ITGBL1: variants seen among roughly 807,000 people sequenced by gnomAD.
ITGBL1 encodes integrin beta-like protein 1.
A neutral mutation model predicts 68.5 loss-of-function variants in ITGBL1; 51 were observed. The ratio of observed to expected loss-of-function variants is 0.74; its 90% CI spans 0.59 to 0.94. ITGBL1 has a LOEUF of 0.94. Ranked by LOEUF, ITGBL1 falls within the 40% of genes least tolerant of loss-of-function variation. ITGBL1 has a pLI of 0.00. For synonymous variants in ITGBL1, 209 were observed against 227.3 expected (o/e 0.92, Z 0.72); for missense variants, 649 against 647.4 (o/e 1.00, Z -0.03).
At chr13:101,634,096 A>AT (rs1190793208) in intron 7 of ITGBL1, among the ~76,000 whole-genome samples, 1 of 152,210 alleles carries the variant, frequency 6.6e-6, no homozygotes, top group Admixed American at 6.5e-5. Context: ...AATTAATGCA[A>AT]TTATAGACAA....
chr13:101,462,188 C>T (rs556594792), intron 2 of ITGBL1, among the ~76,000 whole-genome samples: 1 of 152,300 alleles, frequency 6.6e-6, no homozygotes, highest in African/African-American at 2.4e-5. Flanking sequence ...CCCAGAGCCT[C>T]TTCCATCATC....
intron 7 of ITGBL1, among the ~76,000 whole-genome samples, chr13:101,623,033 T>A (rs1159381782): frequency 6.6e-6 from 1 of 152,066 alleles, no homozygotes; most frequent in East Asian, 1.9e-4. Context: ...TAATTGAGAT[T>A]AGATTATATT....
intron 7 of ITGBL1, among the ~76,000 whole-genome samples, chr13:101,619,244 C>G (rs769769241): frequency 2.0e-5 from 3 of 151,828 alleles, no homozygotes; most frequent in Non-Finnish European, 4.4e-5. Flanking sequence ...CCCTGTAATC[C>G]CTTGAATCTG....
downstream of ITGBL1, chr13:101,719,826 G>C (rs1042082069): frequency 1.3e-5 from 2 of 151,976 alleles, no homozygotes; most frequent in African/African-American, 4.8e-5. Flanking sequence ...AGTAGTGACA[G>C]ATTGCACTTC....
chr13:101,463,767 A>G (rs1250941335), intron 2 of ITGBL1, among the ~76,000 whole-genome samples: 2 of 151,728 alleles, frequency 1.3e-5, no homozygotes, highest in Non-Finnish European at 2.9e-5. Context: ...AACACAATAA[A>G]AAAACAAAAT....
At chr13:101,678,498 G>A (rs115182532) in intron 7 of ITGBL1, among the ~76,000 whole-genome samples, 1,424 of 135,332 alleles carry the variant, frequency 0.011, 15 homozygotes, top group African/African-American at 0.036. Flanking sequence ...CAGATTCACT[G>A]AGACTTTTTT....
intron 7 of ITGBL1, among the ~76,000 whole-genome samples, chr13:101,627,821 T>C (rs899015815): frequency 6.6e-6 from 1 of 152,238 alleles, no homozygotes; most frequent in Non-Finnish European, 1.5e-5. Flanking sequence ...CTTGTCTGAA[T>C]GTACCACTGT....
At chr13:101,467,972 T>C (rs2048406513) in intron 2 of ITGBL1, among the ~76,000 whole-genome samples, 1 of 152,122 alleles carries the variant, frequency 6.6e-6, no homozygotes, top group South Asian at 2.1e-4. Flanking sequence ...ACTTAGTCAA[T>C]GGGGTAGAGT....
intron 4 of ITGBL1, 87 bp from the exon 5 acceptor site, chr13:101,579,200 C>A: frequency 1.4e-6 from 2 of 1,444,896 alleles, no homozygotes; most frequent in Non-Finnish European, 1.9e-6. Flanking sequence ...TTTCAGAAGG[C>A]AAAAATGATC....
intron 2 of ITGBL1, among the ~76,000 whole-genome samples, chr13:101,515,199 T>G (rs1248418893): frequency 6.6e-6 from 1 of 152,090 alleles, no homozygotes; most frequent in East Asian, 1.9e-4. Context: ...TTTTAAATAT[T>G]AATGTTAGTA....
intron 2 of ITGBL1, among the ~76,000 whole-genome samples, chr13:101,481,452 G>A (rs886999542): frequency 6.6e-6 from 1 of 152,000 alleles, no homozygotes; most frequent in African/African-American, 2.4e-5. Context: ...AGAACTGACA[G>A]GAATTGGAGA....
intron 7 of ITGBL1, among the ~76,000 whole-genome samples, chr13:101,646,781 A>G (rs1324239361): frequency 6.6e-6 from 1 of 152,166 alleles, no homozygotes; most frequent in East Asian, 1.9e-4. Flanking sequence ...AAAACAAAAC[A>G]AAAAGGAAAA....
chr13:101,467,869 G>T lies in ITGBL1; in HGVS notation c.316+13769G>T, dbSNP rs190783390. On this transcript the variant is annotated intron_variant, in intron 2 of 10. Transcript: ENST00000376180. ...TTTATCTGGAAACTTCCTAGGGAAA[G>T]GTAGGCTAAATTTTTTTTTTTAAAA... Among the ~76,000 whole-genome samples, 369 of 152,154 alleles carry T rather than the reference G, an allele frequency of 2.4e-3. 1 individual carries two copies. Among genetic ancestry groups the T allele is most frequent in the African/African-American group, 8.5e-3 (352 of 41,548 alleles).
chr13:101,563,651 G>T (rs979544877), intron 2 of ITGBL1, among the ~76,000 whole-genome samples: 3 of 151,858 alleles, frequency 2.0e-5, no homozygotes, highest in Non-Finnish European at 2.9e-5. Context: ...GTGAATCATA[G>T]TTAAACATTT....
At chr13:101,597,193 C>T (rs1003655324) in intron 6 of ITGBL1, among the ~76,000 whole-genome samples, 1 of 152,086 alleles carries the variant, frequency 6.6e-6, no homozygotes, top group Admixed American at 6.6e-5. Context: ...AATATCTCCG[C>T]ATCTCTCTCA....
At chr13:101,558,752 A>T (rs2050052565) in intron 2 of ITGBL1, among the ~76,000 whole-genome samples, 1 of 152,210 alleles carries the variant, frequency 6.6e-6, no homozygotes, top group African/African-American at 2.4e-5. Context: ...GATCTCATAT[A>T]CATTTTTAAT....
intron 2 of ITGBL1, among the ~76,000 whole-genome samples, chr13:101,505,423 T>C (rs564249163): frequency 3.9e-5 from 6 of 152,278 alleles, no homozygotes; most frequent in East Asian, 1.9e-4. Context: ...TAGAATGTGA[T>C]GAAATGTTGG....
intron 7 of ITGBL1, among the ~76,000 whole-genome samples, chr13:101,651,721 C>G (rs891615774): frequency 1.3e-5 from 2 of 151,858 alleles, no homozygotes; most frequent in Admixed American, 1.3e-4. Flanking sequence ...TTGCTTTTGA[C>G]GTTTTCATCA....
intron 6 of ITGBL1, among the ~76,000 whole-genome samples, chr13:101,589,274 C>A (rs969893796): frequency 1.3e-5 from 2 of 152,154 alleles, no homozygotes; most frequent in Non-Finnish European, 2.9e-5. Flanking sequence ...ATGCTTGCTT[C>A]TTCTATGATA....
Sources: allele counts gnomAD v4.1 joint callset (sites outside exome capture counted in the v4.1 genomes callset), GRCh38; gene constraint gnomAD v4.1.1; transcripts MANE v1.5; gene names NCBI Gene and HGNC (gene_info 2026-07-23, HGNC 2026-07-21).